The following TARS3 variants were observed in gnomAD, a reference collection of about 807,000 sequenced individuals.
TARS3 encodes threonine--tRNA ligase 2, cytoplasmic.
In TARS3, 94 loss-of-function variants were observed where a neutral mutation model predicts 103.5. The observed-to-expected ratio is 0.91, with a 90% CI of 0.77 to 1.08. The LOEUF (loss-of-function observed/expected upper bound fraction) is 1.08. TARS3 is among the 50% of genes least tolerant of loss of function. The pLI, the probability that TARS3 is intolerant of heterozygous loss-of-function variation, is 0.00. For synonymous variants in TARS3, 416 were observed against 355.4 expected (o/e 1.17, Z -1.92); for missense variants, 952 against 995.2 (o/e 0.96, Z 0.58).
rs187372523 is a variant in TARS3 at position 101,662,519 on chromosome 15, C to T, written c.1968-703G>A. Among the ~76,000 whole-genome samples, 322 of 151,978 alleles carry T rather than the reference C, an allele frequency of 2.1e-3. 1 individual carries two copies. The highest frequency in any genetic ancestry group is 0.01 in the Middle Eastern group (3 of 294). ...ATAAAACAAACAAAAACAGAGAAAC[C>T]CATTCATTAAACCTACTTCAAATGA... is the stretch of plus-strand genomic sequence containing the variant. On this transcript the variant is annotated intron_variant, in intron 15 of 18. Coordinates refer to ENST00000335968, the MANE Select transcript of TARS3 (RefSeq NM_152334.3).
Position 101,721,289 on chromosome 15 carries a change from A to G in TARS3, c.403T>C (p.Leu135=), listed in dbSNP as rs758036848. 8.7e-6 allele frequency: 14 copies of G among 1,612,310 alleles called. No individual in the cohort carries two copies. In the East Asian group the frequency reaches 2.9e-4, roughly 33 times the overall value. ...KHQPIFIKER[L]KLFEILKKDH... is the part of the protein sequence containing the mutation. Reference sequence around the variant, plus strand: ...TTCTTCAGTATTTCAAAAAGCTTCAATCTTTCTTTTATGAAAATTGGTTGA... The same window carrying G: ...TTCTTCAGTATTTCAAAAAGCTTCAGTCTTTCTTTTATGAAAATTGGTTGA... Residue 135 remains leucine, a synonymous_variant, in exon 3 of 19, where the codon TTG becomes CTG. Coordinates refer to ENST00000335968, the MANE Select transcript of TARS3 (RefSeq NM_152334.3).
At chr15:101,689,933 A>G (rs1474848180) in intron 10 of TARS3, among the ~76,000 whole-genome samples, 2 of 152,222 alleles carry the variant, frequency 1.3e-5, no homozygotes, top group East Asian at 1.9e-4. Context: ...GCTTGGCCCT[A>G]GCGTCCATCT....
intron 1 of TARS3, 126 bp from the exon 2 acceptor site, chr15:101,723,290 C>T (rs1305581650): frequency 5.4e-6 from 4 of 738,284 alleles, no homozygotes; most frequent in Non-Finnish European, 7.1e-6. Context: ...CTCTCCTGAC[C>T]ACCAGCTACA....
intron 18 of TARS3, chr15:101,655,926 T>G: frequency 7.8e-7 from 1 of 1,289,254 alleles, no homozygotes; most frequent in Non-Finnish European, 1.0e-6. Flanking sequence ...TTCTGGAATG[T>G]GGGTAAAAAG....
intron 17 of TARS3, 59 bp downstream of exon 17, chr15:101,657,726 G>A (rs1332419863): frequency 5.2e-6 from 6 of 1,161,892 alleles, no homozygotes; most frequent in Middle Eastern, 2.0e-4. Context: ...ACTCCAAATC[G>A]ATGACCTACA....
At chr15:101,713,995 A>T (rs1238279434) in intron 4 of TARS3, among the ~76,000 whole-genome samples, 4 of 152,244 alleles carry the variant, frequency 2.6e-5, no homozygotes, top group Admixed American at 2.6e-4. Context: ...TAAGCCTTGC[A>T]ATTATTGTAA....
chr15:101,658,653 G>A (rs7178457), intron 16 of TARS3, among the ~76,000 whole-genome samples: 1 of 152,178 alleles, frequency 6.6e-6, no homozygotes, highest in Non-Finnish European at 1.5e-5. Flanking sequence ...ACACAAATGA[G>A]TGCATGTGAG....
intron 13 of TARS3, among the ~76,000 whole-genome samples, chr15:101,672,198 T>C (rs1404869751): frequency 6.6e-6 from 1 of 152,076 alleles, no homozygotes; most frequent in East Asian, 1.9e-4. Context: ...ACTACTTCCT[T>C]TTTGCCTTTC....
chr15:101,685,768 G>C (rs906506437), intron 11 of TARS3, 128 bp downstream of exon 11: 30 of 681,770 alleles, frequency 4.4e-5, no homozygotes, highest in Non-Finnish European at 6.7e-5. Context: ...AAACAACTTA[G>C]TAAAAATTAG....
chr15:101,700,405 T>TAGGCAAAG (rs1899202978), intron 10 of TARS3, among the ~76,000 whole-genome samples: 1 of 152,220 alleles, frequency 6.6e-6, no homozygotes, highest in South Asian at 2.1e-4. Flanking sequence ...CAGTGGCCCA[T>TAGGCAAAG]GGAGCACATT....
rs754581101 is a variant in TARS3, at chr15:101,721,166, C to T, written c.526G>A (p.Val176Ile). The change falls in exon 3 of 19, where the codon GTC becomes ATC. Residue 176 changes from valine to isoleucine, a missense_variant. Val to Ile is a conservative substitution (Grantham distance 29). Transcript: ENST00000335968. ...VADGQTVQGE[V>I]WKTTPYQVAA... ...ACTTGGTAAGGCGTTGTTTTCCAGA[C>T]TTCCCCTTGCACTGTTTGCCCATCA... The T allele has an allele frequency of 2.5e-6, 4 of 1,604,790 alleles. No homozygotes were observed. The highest frequency in any genetic ancestry group is 3.4e-6 in the Non-Finnish European group (4 of 1,172,494).
intron 10 of TARS3, among the ~76,000 whole-genome samples, chr15:101,693,795 T>C (rs1348318999): frequency 6.6e-6 from 1 of 152,138 alleles, no homozygotes; most frequent in Non-Finnish European, 1.5e-5. Context: ...GCGGTCAGTC[T>C]CTAAAGGTTT....
At position 101,714,178 on chromosome 15, in the gene TARS3, T is replaced by C. The variant is rs149081347; in HGVS notation, c.690+662A>G. Among the ~76,000 whole-genome samples, 245 of 152,352 alleles carry C rather than the reference T, an allele frequency of 1.6e-3. 2 individuals are homozygous for C. The highest frequency in any genetic ancestry group is 6.8e-3 in the Middle Eastern group (2 of 294). On this transcript the variant is annotated intron_variant, in intron 4 of 18. Coordinates refer to ENST00000335968, the MANE Select transcript of TARS3 (RefSeq NM_152334.3). ...GTATTTAAAGGATATCTGAGTCTTG[T>C]AATTTCTTCCAATTCTCCTATACAT...
intron 15 of TARS3, among the ~76,000 whole-genome samples, chr15:101,668,720 G>A (rs148857560): frequency 2.9e-4 from 44 of 152,222 alleles, no homozygotes; most frequent in South Asian, 1.9e-3. Context: ...CATGCACTGC[G>A]TAACAGTGTT....
chr15:101,695,496 A>G (rs1315756166), intron 10 of TARS3, among the ~76,000 whole-genome samples: 1 of 152,174 alleles, frequency 6.6e-6, no homozygotes, highest in Non-Finnish European at 1.5e-5. Flanking sequence ...TCTTTTCACA[A>G]GCTGAATCTG....
At chr15:101,683,762 C>G (rs894116527) in intron 12 of TARS3, among the ~76,000 whole-genome samples, 1 of 152,108 alleles carries the variant, frequency 6.6e-6, no homozygotes, top group East Asian at 1.9e-4. Flanking sequence ...TGAATTAACA[C>G]AAAAACTTGA....
rs777121093 is a variant in TARS3 at position 101,723,073 on chromosome 15, T to C, written c.369+20A>G. Reference sequence around the variant, plus strand: ...AAATTACAGGTAGTATTTTATATTGTTTCCACAGCAACAACTTACCTCGCT... The same window carrying C: ...AAATTACAGGTAGTATTTTATATTGCTTCCACAGCAACAACTTACCTCGCT... On this transcript the variant is annotated intron_variant, in intron 2 of 18. Coordinates refer to ENST00000335968, the MANE Select transcript of TARS3 (RefSeq NM_152334.3). The C allele has an allele frequency of 6.2e-7, 1 of 1,609,884 alleles. No homozygotes were observed. The highest frequency in any genetic ancestry group is 1.7e-4 in the Middle Eastern group (1 of 6,054).
intron 15 of TARS3, among the ~76,000 whole-genome samples, chr15:101,667,091 AT>A (rs1404393619): frequency 2.0e-5 from 3 of 152,150 alleles, no homozygotes; most frequent in African/African-American, 7.2e-5. Context: ...GACCAGGTGC[AT>A]TGTCAATGAG....
intron 15 of TARS3, among the ~76,000 whole-genome samples, chr15:101,663,656 A>C (rs144677605): frequency 1.1e-3 from 174 of 152,292 alleles, no homozygotes; most frequent in African/African-American, 3.8e-3. Flanking sequence ...TTATGAAGGC[A>C]AATTGATTTT....
Sources: gnomAD v4.1 joint callset for allele counts (sites outside exome capture counted in the v4.1 genomes callset) on GRCh38, gnomAD v4.1.1 for gene constraint, MANE v1.5 for transcripts, NCBI Gene and HGNC (gene_info 2026-07-23, HGNC 2026-07-21) for gene names.